The following CALB2 variants were observed in gnomAD, a reference collection of about 807,000 sequenced individuals.
CALB2 encodes the protein calbindin 2.
A neutral mutation model predicts 45.9 loss-of-function variants in CALB2; 34 were observed. The ratio of observed to expected loss-of-function variants is 0.74; its 90% confidence interval spans 0.56 to 0.99. CALB2 has a LOEUF of 0.99. CALB2 is among the 50% of genes least tolerant of loss of function. The pLI is 0.00. For synonymous variants in CALB2, 142 were observed against 129.6 expected (o/e 1.10, Z -0.65); for missense variants, 344 against 339.3 (o/e 1.01, Z -0.11).
At chr16:71,378,308 T>A (rs1445077586) in intron 4 of CALB2, among the ~76,000 whole-genome samples, 2 of 151,642 alleles carry the variant, frequency 1.3e-5, no homozygotes, top group Admixed American at 6.6e-5. Flanking sequence ...AGGCCAGGGT[T>A]TCAAGACCAG....
At chr16:71,381,587 G>A (rs560932941) in intron 4 of CALB2, among the ~76,000 whole-genome samples, 1 of 152,150 alleles carries the variant, frequency 6.6e-6, no homozygotes, top group Non-Finnish European at 1.5e-5. Flanking sequence ...AGAAGTGGGG[G>A]GAGGCAGGGG....
intron 9 of CALB2, 110 bp downstream of exon 9, chr16:71,384,946 G>T: frequency 2.2e-6 from 2 of 898,526 alleles, no homozygotes; most frequent in South Asian, 2.8e-5. Flanking sequence ...GGCCTGGGCC[G>T]TGTGGTTTCT....
intron 1 of CALB2, among the ~76,000 whole-genome samples, chr16:71,359,244 G>A (rs771344907): frequency 3.9e-5 from 6 of 152,192 alleles, no homozygotes; most frequent in Admixed American, 6.5e-5. Flanking sequence ...GGTCTCAGAA[G>A]ACCACTCATT....
At chr16:71,366,753 C>G (rs1447297849) in intron 1 of CALB2, among the ~76,000 whole-genome samples, 1 of 152,096 alleles carries the variant, frequency 6.6e-6, no homozygotes, top group Non-Finnish European at 1.5e-5. Flanking sequence ...AATATTTGTT[C>G]CTTCCATTTA....
chr16:71,372,350 T>A (rs528756788), intron 2 of CALB2, 121 bp downstream of exon 2: 1 of 650,136 alleles, frequency 1.5e-6, no homozygotes, highest in African/African-American at 1.9e-5. Flanking sequence ...CACAGCATTT[T>A]ATTTGTAAGG....
chr16:71,377,841 C>T, intron 4 of CALB2, 94 bp downstream of exon 4: 1 of 840,386 alleles, frequency 1.2e-6, no homozygotes, highest in Non-Finnish European at 2.0e-6. Flanking sequence ...GTAATGGTCC[C>T]TGGGAGATGC....
chr16:71,383,283 G>A (rs554368488), intron 5 of CALB2, 84 bp from the exon 6 acceptor site: 1 of 1,193,748 alleles, frequency 8.4e-7, no homozygotes, highest in East Asian at 2.5e-5. Context: ...CACATTGAGA[G>A]ACTGTCTGAA....
intron 10 of CALB2, 121 bp downstream of exon 10, chr16:71,385,769 G>A (rs906378449): frequency 3.0e-6 from 2 of 659,824 alleles, no homozygotes; most frequent in African/African-American, 1.8e-5. Flanking sequence ...CCACAGCAAG[G>A]CAATAGACAT....
At chr16:71,370,847 C>G (rs980201195) in intron 1 of CALB2, among the ~76,000 whole-genome samples, 1 of 152,188 alleles carries the variant, frequency 6.6e-6, no homozygotes, top group African/African-American at 2.4e-5. Flanking sequence ...CAGCACTGAC[C>G]AGTGACCTTG....
In CALB2 at chr16:71,385,562, T is replaced by TAGA; in HGVS notation, c.628-15_628-14insAGA. Reference sequence around the variant, plus strand: ...AGGCTTTAGAGCTCTGGGTTGACTCTGCTCCCATCCCCAGGATAGAAGCGG... The same window carrying TAGA: ...AGGCTTTAGAGCTCTGGGTTGACTCTAGAGCTCCCATCCCCAGGATAGAAGCGG... On this transcript the variant is annotated splice_polypyrimidine_tract_variant and intron_variant, in intron 9 of 10. Transcript: ENST00000302628. 6.2e-7 allele frequency: 1 copy of TAGA among 1,613,380 alleles called. No homozygotes were observed. Among genetic ancestry groups the TAGA allele is most frequent in the Non-Finnish European group, 8.5e-7 (1 of 1,179,320 alleles).
intron 5 of CALB2, 45 bp downstream of exon 5, chr16:71,382,820 G>A: frequency 6.5e-7 from 1 of 1,545,914 alleles, no homozygotes; most frequent in Non-Finnish European, 8.8e-7. Flanking sequence ...GTGGCGGTGG[G>A]CTTAAGGTGC....
chr16:71,374,463 C>T (rs776675017), intron 2 of CALB2, among the ~76,000 whole-genome samples: 2 of 152,184 alleles, frequency 1.3e-5, no homozygotes, highest in Non-Finnish European at 2.9e-5. Context: ...AGAGTTGTAG[C>T]TTAATCCATC....
Position 71,358,842 on chromosome 16 carries a change from C to T in CALB2, c.50C>T (p.Thr17Met). ...QPPYLHLAEL[T>M]ASQFLEIWKH... ...CCTTACCTGCACCTGGCCGAGCTGACGGCGTCCCAGTTCCTGGAAATATGG... is the reference window on the plus strand; with the variant it reads ...CCTTACCTGCACCTGGCCGAGCTGATGGCGTCCCAGTTCCTGGAAATATGG... The change falls in exon 1 of 11, where the codon ACG becomes ATG. Residue 17 changes from threonine to methionine, a missense_variant. By Grantham distance (81) the Thr-to-Met change is moderately conservative (BLOSUM62 -1). Coordinates refer to ENST00000302628, the MANE Select transcript of CALB2 (RefSeq NM_001740.5). The T allele has an allele frequency of 6.2e-7, 1 of 1,612,892 alleles. No homozygotes were observed. Among genetic ancestry groups the T allele is most frequent in the Non-Finnish European group, 8.5e-7 (1 of 1,179,768 alleles).
At chr16:71,382,914 C>A in intron 5 of CALB2, 139 bp downstream of exon 5, 1 of 748,088 alleles carries the variant, frequency 1.3e-6, no homozygotes, top group Non-Finnish European at 2.2e-6. Flanking sequence ...AATTGTTGGA[C>A]TTGTTTAGAG....
intron 1 of CALB2, among the ~76,000 whole-genome samples, chr16:71,362,557 A>G (rs2042246083): frequency 6.6e-6 from 1 of 152,212 alleles, no homozygotes. Flanking sequence ...TCACTGGGGG[A>G]CAGAAAAATA....
chr16:71,373,165 C>T (rs1019661281), intron 2 of CALB2, among the ~76,000 whole-genome samples: 3 of 152,182 alleles, frequency 2.0e-5, no homozygotes, highest in African/African-American at 7.2e-5. Context: ...GTCAGCCCCA[C>T]ACCCTCCCAT....
chr16:71,377,823 C>T (rs1177199078), intron 4 of CALB2, 76 bp downstream of exon 4: 4 of 1,043,414 alleles, frequency 3.8e-6, no homozygotes, highest in Non-Finnish European at 6.0e-6. Context: ...GGCCCACCCT[C>T]CTGCCTGGTA....
At chr16:71,363,893 T>G (rs761730892) in intron 1 of CALB2, among the ~76,000 whole-genome samples, 2 of 152,192 alleles carry the variant, frequency 1.3e-5, no homozygotes, top group Non-Finnish European at 2.9e-5. Context: ...AGAGGAGCGC[T>G]TTCTCTGAAC....
Position 71,390,088 on chromosome 16 carries a change from C to T in CALB2, c.*223C>T. On this transcript the variant is annotated 3_prime_UTR_variant, in exon 11 of 11. Coordinates refer to ENST00000302628, the MANE Select transcript of CALB2 (RefSeq NM_001740.5). Reference sequence around the variant, plus strand: ...CAGGCAGTCTTTGCTCAGTGGATCACACACATGGAAGGTGATGGGGGCATG... The same window carrying T: ...CAGGCAGTCTTTGCTCAGTGGATCATACACATGGAAGGTGATGGGGGCATG... 1.8e-6 allele frequency: 1 copy of T among 549,964 alleles called. No individual in the cohort carries two copies. 34.1% of individuals were successfully genotyped at this position (549,964 alleles called of 1,614,324 possible).
Sources: allele counts gnomAD v4.1 joint callset (sites outside exome capture counted in the v4.1 genomes callset), GRCh38; gene constraint gnomAD v4.1.1; transcripts MANE v1.5; gene names NCBI Gene and HGNC (gene_info 2026-07-23, HGNC 2026-07-21).